Variants in GALNT17 observed in about 807,000 individuals in gnomAD.
The protein encoded by GALNT17 is UDP-GalNAc:polypeptide N-acetylgalactosaminyltransferase-like 3.
In GALNT17, 29 loss-of-function variants were observed where a neutral mutation model predicts 63.7. The observed-to-expected ratio is 0.46, with a 90% CI of 0.34 to 0.62. The LOEUF (loss-of-function observed/expected upper bound fraction) is 0.62. Ranked by LOEUF, GALNT17 falls within the 20% of genes least tolerant of loss-of-function variation. The pLI is 0.01. For missense variants in GALNT17, 603 were observed against 799.6 expected, an observed-to-expected ratio of 0.75 and a Z score of 2.97; for synonymous variants, 305 against 318.3, an observed-to-expected ratio of 0.96 and a Z score of 0.45.
At chr7:71,422,975 A>G (rs766227880) in intron 5 of GALNT17, among the ~76,000 whole-genome samples, 22 of 151,908 alleles carry the variant, frequency 1.4e-4, no homozygotes, top group Admixed American at 2.6e-4. Flanking sequence ...TCCTTCAACT[A>G]CCCCTGGCCG....
intron 1 of GALNT17, among the ~76,000 whole-genome samples, chr7:71,286,560 T>TGTAGTA (rs140925071): frequency 0.046 from 6,937 of 152,180 alleles, 538 homozygotes; most frequent in African/African-American, 0.16. Context: ...TTTTTCCATC[T>TGTAGTA]GCCTCTCAGG....
chr7:71,448,084 C>G (rs1787191272), intron 5 of GALNT17, among the ~76,000 whole-genome samples: 1 of 152,214 alleles, frequency 6.6e-6, no homozygotes, highest in South Asian at 2.1e-4. Flanking sequence ...ATTCTGCCTT[C>G]CACTTTGAAT....
chr7:71,181,505 GAGA>G (rs1418489132), intron 1 of GALNT17, among the ~76,000 whole-genome samples: 5 of 152,150 alleles, frequency 3.3e-5, no homozygotes, highest in African/African-American at 9.7e-5. Context: ...AGCTGGTGAT[GAGA>G]AGGATGAAGG....
In GALNT17 at chr7:71,441,338, C is replaced by G. The variant is rs148900177; in HGVS notation, c.962+20233C>G. Reference sequence around the variant, plus strand: ...TCATGAGTACCGATATCAGAGCCTGCAGAGCCTTCTCTTCCAACCAATGAA... The same window carrying G: ...TCATGAGTACCGATATCAGAGCCTGGAGAGCCTTCTCTTCCAACCAATGAA... On this transcript the variant is annotated intron_variant, in intron 5 of 10. Transcript: ENST00000333538. 4.6e-3 allele frequency among the ~76,000 whole-genome samples: 693 copies of G among 152,286 alleles called. 4 individuals are homozygous for G. The highest frequency in any genetic ancestry group is 0.015 in the African/African-American group (628 of 41,566).
At chr7:71,226,753 T>C (rs11973185) in intron 1 of GALNT17, among the ~76,000 whole-genome samples, 4,123 of 152,170 alleles carry the variant, frequency 0.027, 191 homozygotes, top group African/African-American at 0.093. Context: ...GTGCTGGGAT[T>C]ACAGACGTGA....
chr7:71,305,574 A>G (rs919820678), intron 1 of GALNT17, among the ~76,000 whole-genome samples: 15 of 152,264 alleles, frequency 9.9e-5, no homozygotes, highest in African/African-American at 3.6e-4. Context: ...GGACCTCTGT[A>G]AGCCCCTTCT....
chr7:71,317,895 A>G (rs1160752483), intron 1 of GALNT17, among the ~76,000 whole-genome samples: 1 of 151,998 alleles, frequency 6.6e-6, no homozygotes, highest in African/African-American at 2.4e-5. Context: ...GTGATGCTGT[A>G]GTGCTTTGAG....
intron 6 of GALNT17, among the ~76,000 whole-genome samples, chr7:71,650,337 C>G (rs1441614954): frequency 6.6e-6 from 1 of 152,226 alleles, no homozygotes; most frequent in Admixed American, 6.5e-5. Context: ...GCAACCTCCA[C>G]CTTCTGGGTT....
intron 5 of GALNT17, among the ~76,000 whole-genome samples, chr7:71,459,495 A>G (rs1004002164): frequency 4.6e-5 from 7 of 152,208 alleles, no homozygotes; most frequent in African/African-American, 1.7e-4. Context: ...TTGCCCAAAT[A>G]TCTAAGAGAC....
At chr7:71,531,988 G>A (rs1284471957) in intron 5 of GALNT17, among the ~76,000 whole-genome samples, 1 of 152,108 alleles carries the variant, frequency 6.6e-6, no homozygotes, top group Non-Finnish European at 1.5e-5. Flanking sequence ...AACACGGGAG[G>A]GACCTGGACC....
At chr7:71,658,991 C>G (rs1790868362) in intron 6 of GALNT17, among the ~76,000 whole-genome samples, 1 of 152,160 alleles carries the variant, frequency 6.6e-6, no homozygotes, top group African/African-American at 2.4e-5. Context: ...TTCTTGTTTT[C>G]TCCATCTCCC....
At chr7:71,558,033 C>G (rs1410539880) in intron 5 of GALNT17, among the ~76,000 whole-genome samples, 1 of 152,132 alleles carries the variant, frequency 6.6e-6, no homozygotes, top group Non-Finnish European at 1.5e-5. Flanking sequence ...GAGATCACGC[C>G]ACTGCACTCC....
intron 1 of GALNT17, among the ~76,000 whole-genome samples, chr7:71,173,008 A>C (rs2116290060): frequency 6.6e-6 from 1 of 152,280 alleles, no homozygotes; most frequent in African/African-American, 2.4e-5. Context: ...GGCACTCCAA[A>C]GCTCCTGTAT....
At chr7:71,652,131 C>T (rs1790762475) in intron 6 of GALNT17, among the ~76,000 whole-genome samples, 1 of 152,126 alleles carries the variant, frequency 6.6e-6, no homozygotes, top group South Asian at 2.1e-4. Context: ...GATCAAGCTG[C>T]TTTCAATCTG....
rs1788080186 is a variant in GALNT17 at position 71,148,888 on chromosome 7, ATATATG to A, written c.238+15853_238+15858del. 4.9e-5 allele frequency among the ~76,000 whole-genome samples: 7 copies of A among 142,182 alleles called. No individual in the cohort carries two copies. The South Asian group carries it at 8.9e-4, about 18-fold the overall frequency. The allele number at this position is 142,182 out of a possible 152,430, so 93.3% of individuals were successfully genotyped here. Reference sequence around the variant, plus strand: ...TATATATATATATATATATATATATATATATGTATACCATAGTTAACCATACACAAC... The same window carrying A: ...TATATATATATATATATATATATATATATACCATAGTTAACCATACACAAC... On this transcript the variant is annotated intron_variant, in intron 1 of 10. Coordinates refer to ENST00000333538, the MANE Select transcript of GALNT17 (RefSeq NM_022479.3).
intron 5 of GALNT17, among the ~76,000 whole-genome samples, chr7:71,544,444 G>C (rs1405636604): frequency 6.6e-6 from 1 of 151,924 alleles, no homozygotes; most frequent in African/African-American, 2.4e-5. Context: ...ACCCGGCCAA[G>C]GCATGATTTC....
At chr7:71,313,721 C>A (rs190804024) in intron 1 of GALNT17, among the ~76,000 whole-genome samples, 1 of 152,234 alleles carries the variant, frequency 6.6e-6, no homozygotes, top group East Asian at 1.9e-4. Flanking sequence ...TTGATTGACT[C>A]AGAGGTTCTC....
At chr7:71,253,901 A>G (rs1790244912) in intron 1 of GALNT17, among the ~76,000 whole-genome samples, 1 of 152,192 alleles carries the variant, frequency 6.6e-6, no homozygotes, top group Non-Finnish European at 1.5e-5. Flanking sequence ...TGTTGAGGGA[A>G]AGAGTCAAAT....
At chr7:71,662,891 A>G (rs995254366) in intron 6 of GALNT17, among the ~76,000 whole-genome samples, 4 of 152,148 alleles carry the variant, frequency 2.6e-5, no homozygotes, top group Non-Finnish European at 5.9e-5. Flanking sequence ...AATTTTTTAT[A>G]TGGTGTGAGG....
Sources: gnomAD v4.1 joint callset for allele counts (sites outside exome capture counted in the v4.1 genomes callset) on GRCh38, gnomAD v4.1.1 for gene constraint, MANE v1.5 for transcripts, NCBI Gene and HGNC (gene_info 2026-07-23, HGNC 2026-07-21) for gene names.